The following MYO18B variants were observed in gnomAD, a reference collection of about 807,000 sequenced individuals.
MYO18B encodes the protein myosin XVIIIB, also known as unconventional myosin-XVIIIb.
A neutral mutation model predicts 273.0 loss-of-function variants in MYO18B; 204 were observed. That is an observed-to-expected ratio of 0.75 (90% CI 0.67 to 0.84). The LOEUF is 0.84. Ranked by LOEUF, MYO18B falls within the 40% of genes least tolerant of loss-of-function variation. The pLI, the probability that MYO18B is intolerant of heterozygous loss-of-function variation, is 0.00. For synonymous variants in MYO18B, 1,330 were observed against 1,305.7 expected (o/e 1.02, Z -0.40); for missense variants, 3,212 against 3,287.6 (o/e 0.98, Z 0.56).
chr22:26,025,120 A>T (rs1936141268), intron 42 of MYO18B, among the ~76,000 whole-genome samples: 1 of 152,154 alleles, frequency 6.6e-6, no homozygotes, highest in Admixed American at 6.5e-5. Flanking sequence ...AGGTGTCAAC[A>T]TATTAATTTT....
intron 7 of MYO18B, 130 bp downstream of exon 7, chr22:25,772,640 C>T (rs1055449490): frequency 2.4e-5 from 22 of 932,436 alleles, no homozygotes; most frequent in Non-Finnish European, 3.5e-5. Context: ...CAGCATCCTT[C>T]TCGCGGCATT....
chr22:25,882,705 C>T (rs1162268661), intron 25 of MYO18B, among the ~76,000 whole-genome samples: 5 of 152,156 alleles, frequency 3.3e-5, no homozygotes, highest in African/African-American at 1.2e-4. Context: ...CCCCAACTTC[C>T]AGTGCTACTA....
intron 42 of MYO18B, among the ~76,000 whole-genome samples, chr22:26,018,566 T>C (rs574890828): frequency 6.6e-6 from 1 of 152,356 alleles, no homozygotes; most frequent in Non-Finnish European, 1.5e-5. Context: ...AGGAGGAATC[T>C]TCTGCTTTTG....
At chr22:25,855,575 C>T (rs541474300) in intron 21 of MYO18B, among the ~76,000 whole-genome samples, 94 of 152,284 alleles carry the variant, frequency 6.2e-4, no homozygotes, top group African/African-American at 2.0e-3. Context: ...CCACTGCGCC[C>T]GGCCCTCATT....
chr22:25,742,570 C>G lies in MYO18B; in HGVS notation c.-110+277C>G, dbSNP rs906849903. Among the ~76,000 whole-genome samples the G allele has an allele frequency of 1.4e-4, 21 of 152,150 alleles. No homozygotes were observed. The East Asian group carries it at 1.9e-3, about 14-fold the overall frequency. The stretch of plus-strand genomic sequence containing the variant: ...TCACTCTCCTCAGGCCCCAGCTGTT[C>G]GCTAATAATTTTTAAAAATGTGTTT... On this transcript the variant is annotated intron_variant, in intron 1 of 43. Transcript: ENST00000335473.
At chr22:26,035,352 C>T (rs961824885), downstream of MYO18B, among the ~76,000 whole-genome samples, 4 of 152,198 alleles carry the variant, frequency 2.6e-5, no homozygotes, top group Non-Finnish European at 5.9e-5. Flanking sequence ...AGGAGAGACT[C>T]CTGCTGTCAG....
chr22:26,054,610 CT>C, the MYO18B span, among the ~76,000 whole-genome samples: 1 of 152,170 alleles, frequency 6.6e-6, no homozygotes, highest in Non-Finnish European at 1.5e-5. Flanking sequence ...CTGTATGTTC[CT>C]TGAGAGGAAT....
chr22:25,996,865 C>T (rs1323192104), intron 40 of MYO18B, among the ~76,000 whole-genome samples: 2 of 152,058 alleles, frequency 1.3e-5, no homozygotes, highest in Non-Finnish European at 2.9e-5. Context: ...CCTCTTGTTC[C>T]CCTTTTCTCT....
In MYO18B at chr22:25,781,805, G is replaced by T. The variant is rs1156950332; in HGVS notation, c.2283G>T (p.Gln761His). 6.3e-7 allele frequency: 1 copy of T among 1,592,588 alleles called. No individual in the cohort carries two copies. The highest frequency in any genetic ancestry group is 2.3e-5 in the East Asian group (1 of 44,084). Residue 761 changes from glutamine to histidine, a missense_variant, in exon 10 of 44, where the codon CAG becomes CAT. Gln to His is a conservative substitution (Grantham distance 24). Transcript: ENST00000335473. ...AAAGTAACTTCCTGGTTTTCTCCCAGATGCTGGCTGGATTGGACTTGGATC... is the reference window on the plus strand; with the variant it reads ...AAAGTAACTTCCTGGTTTTCTCCCATATGCTGGCTGGATTGGACTTGGATC... ...EGESNFLVFS[Q>H]MLAGLDLDLR...
chr22:25,904,158 A>G (rs765565753), intron 31 of MYO18B, among the ~76,000 whole-genome samples: 19 of 152,184 alleles, frequency 1.2e-4, no homozygotes, highest in Non-Finnish European at 2.2e-4. Context: ...AGTATTTTTT[A>G]AAAGTTTGCT....
chr22:25,863,049 A>G (rs553025334), intron 21 of MYO18B, among the ~76,000 whole-genome samples: 2 of 151,910 alleles, frequency 1.3e-5, no homozygotes, highest in African/African-American at 4.8e-5. Flanking sequence ...CTATTGATCT[A>G]TTTTCAAGTT....
chr22:25,777,347 G>T (rs571539913), intron 7 of MYO18B, among the ~76,000 whole-genome samples: 34 of 152,334 alleles, frequency 2.2e-4, no homozygotes, highest in South Asian at 2.1e-4. Context: ...CTAAAGAGGA[G>T]AACTAGGTTC....
chr22:25,785,462 A>G lies in MYO18B; in HGVS notation c.2347A>G (p.Ser783Gly). ...ELNLHQMADSSSFGMGVWSKP... is the reference protein window; with the variant it reads ...ELNLHQMADSGSFGMGVWSKP... Reference sequence around the variant, plus strand: ...GAACCTGCACCAGATGGCAGATAGCAGCTCCTTTGGCATGGGCGTGTGGTC... The same window carrying G: ...GAACCTGCACCAGATGGCAGATAGCGGCTCCTTTGGCATGGGCGTGTGGTC... The change falls in exon 11 of 44, where the codon AGC becomes GGC. Residue 783 changes from serine to glycine, a missense_variant. Coordinates refer to ENST00000335473, the MANE Select transcript of MYO18B (RefSeq NM_032608.7). The G allele has an allele frequency of 1.2e-6, 2 of 1,612,286 alleles. No individual in the cohort carries two copies. The highest frequency in any genetic ancestry group is 1.7e-6 in the Non-Finnish European group (2 of 1,179,262).
At chr22:25,812,792 A>G (rs2088820050) in intron 12 of MYO18B, among the ~76,000 whole-genome samples, 2 of 152,224 alleles carry the variant, frequency 1.3e-5, no homozygotes. Context: ...CTTGGACTGC[A>G]GTCAGCCTAA....
chr22:25,797,913 G>A (rs746317717), intron 11 of MYO18B, 40 bp from the exon 12 acceptor site: 11 of 1,613,624 alleles, frequency 6.8e-6, no homozygotes, highest in Admixed American at 5.0e-5. Flanking sequence ...TTTCTCCATC[G>A]CGATGGCCTT....
intron 17 of MYO18B, 114 bp from the exon 18 acceptor site, chr22:25,843,621 G>A (rs566012594): frequency 1.3e-4 from 146 of 1,096,660 alleles, no homozygotes; most frequent in Admixed American, 4.7e-4. Flanking sequence ...TCGACCATGA[G>A]CGTTAGCTAT....
intron 21 of MYO18B, among the ~76,000 whole-genome samples, chr22:25,862,848 G>C (rs1027887544): frequency 4.0e-5 from 6 of 148,670 alleles, no homozygotes; most frequent in African/African-American, 7.5e-5. Flanking sequence ...TTTTTTTTTG[G>C]GGGGGGGTGT....
In MYO18B at chr22:25,935,335, G is replaced by A. The variant is rs147332451; in HGVS notation, c.5518-10802G>A. 5.0e-4 allele frequency among the ~76,000 whole-genome samples: 76 copies of A among 152,280 alleles called. No individual in the cohort carries two copies. In the South Asian group the frequency reaches 0.015, roughly 31 times the overall value. Reference sequence around the variant, plus strand: ...GGCAGTTGAGTTGGCACCTTTCTGGGCAAGAGTAAGTTGTAAAAGTGGCCG... The same window carrying A: ...GGCAGTTGAGTTGGCACCTTTCTGGACAAGAGTAAGTTGTAAAAGTGGCCG... On this transcript the variant is annotated intron_variant, in intron 34 of 43. Coordinates refer to ENST00000335473, the MANE Select transcript of MYO18B (RefSeq NM_032608.7).
intron 17 of MYO18B, among the ~76,000 whole-genome samples, chr22:25,838,163 A>G (rs950819975): frequency 6.6e-6 from 1 of 150,758 alleles, no homozygotes; most frequent in Non-Finnish European, 1.5e-5. Context: ...ACACACAAAT[A>G]TATATATAAA....
Sources: gnomAD v4.1 joint callset for allele counts (sites outside exome capture counted in the v4.1 genomes callset) on GRCh38, gnomAD v4.1.1 for gene constraint, MANE v1.5 for transcripts, NCBI Gene and HGNC (gene_info 2026-07-23, HGNC 2026-07-21) for gene names.